Variants in RBBP7 observed in about 807,000 individuals in gnomAD.
The protein encoded by RBBP7 is histone-binding protein RBBP7.
A neutral mutation model predicts 35.2 loss-of-function variants in RBBP7; 5 were observed. That is an observed-to-expected ratio of 0.14 (90% CI 0.07 to 0.30). RBBP7 has a LOEUF of 0.30. RBBP7 is among the 10% of genes least tolerant of loss of function. The probability of loss-of-function intolerance (pLI) is 1.00; values close to 1 mark genes in which losing one functional copy is unlikely to be tolerated. For missense variants in RBBP7, 155 were observed against 327.5 expected, an observed-to-expected ratio of 0.47 and a Z score of 4.07; for synonymous variants, 140 against 118.7, an observed-to-expected ratio of 1.18 and a Z score of -1.17.
At chrX:16,850,124 G>T (rs1930178321) in intron 9 of RBBP7, among the ~76,000 whole-genome samples, 1 of 112,096 alleles carries the variant, frequency 8.9e-6, no homozygotes, top group Non-Finnish European at 1.9e-5. Flanking sequence ...CAAACCTGTG[G>T]GATTGCTAGA....
chrX:16,857,808 AC>A, intron 4 of RBBP7, 99 bp from the exon 5 acceptor site: 1 of 1,085,117 alleles, frequency 9.2e-7, no homozygotes, highest in East Asian at 3.3e-5. Flanking sequence ...CAGCAACTGC[AC>A]ACGAACGAGA....
intron 2 of RBBP7, among the ~76,000 whole-genome samples, 194 bp from the exon 3 acceptor site, chrX:16,863,294 C>T (rs1455158028): frequency 8.9e-6 from 1 of 111,980 alleles, no homozygotes; most frequent in African/African-American, 3.3e-5. Context: ...AATATTCTAG[C>T]TACAACATGC....
At position 16,852,092 on chromosome X, in the gene RBBP7, G is replaced by T. The variant is rs1292551641; in HGVS notation, c.994C>A (p.Leu332Met). 8.3e-7 allele frequency: 1 copy of T among 1,206,943 alleles called. No individual in the cohort carries two copies. The highest frequency in any genetic ancestry group is 1.1e-6 in the Non-Finnish European group (1 of 890,975). The part of the protein sequence containing the change: ...VHWSPHNETI[L>M]ASSGTDRRLN... The stretch of plus-strand genomic sequence containing the variant: ...CGGCGGTCAGTACCACTTGAAGCCA[G>T]AATAGTTTCATTATGTGGAGACCAG... The change falls in exon 9 of 12, where the codon CTG becomes ATG. Residue 332 changes from leucine (L) to methionine (M), a missense_variant. Around this residue, in one of 3 missense-constraint regions of RBBP7, gnomAD observed 79 missense variants for 220.8 expected, o/e 0.36. Coordinates refer to ENST00000380087, the MANE Select transcript of RBBP7 (RefSeq NM_002893.4).
At position 16,858,693 on chromosome X, in the gene RBBP7, T is replaced by A; in HGVS notation, c.464A>T (p.Lys155Ile). The change falls in exon 4 of 12, where the codon AAA (lysine) becomes ATA (isoleucine). Residue 155 changes from lysine (K) to isoleucine (I), a missense_variant. Physicochemically the swap from Lys to Ile is moderately radical, Grantham distance 102. Coordinates refer to ENST00000380087, the MANE Select transcript of RBBP7 (RefSeq NM_002893.4). Reference sequence around the variant, plus strand: ...TTACATACCTGGTTTAGCAGGGTGTTTTGTATAGTCAAAAACCAACACATC... The same window carrying A: ...TTACATACCTGGTTTAGCAGGGTGTATTGTATAGTCAAAAACCAACACATC... ...SSDVLVFDYT[K>I]HPAKPDPSGE... 8.3e-7 allele frequency: 1 copy of A among 1,211,374 alleles called. No homozygotes were observed. The highest frequency in any genetic ancestry group is 1.1e-6 in the Non-Finnish European group (1 of 895,279).
At chrX:16,857,474 TACC>T in intron 5 of RBBP7, 117 bp downstream of exon 5, 1 of 1,079,384 alleles carries the variant, frequency 9.3e-7, no homozygotes, top group Non-Finnish European at 1.2e-6. Flanking sequence ...GGGGGAATGT[TACC>T]ACAATAATCA....
At chrX:16,852,197 A>G (rs1930225595) in intron 8 of RBBP7, 75 bp from the exon 9 acceptor site, 10 of 892,522 alleles carry the variant, frequency 1.1e-5, no homozygotes, top group South Asian at 4.2e-5. Flanking sequence ...TTCTAATCTG[A>G]TATTTTCCCA....
Position 16,844,917 on chromosome X carries a change from A to G in RBBP7, c.*118T>C, listed in dbSNP as rs1345164293. 4 of 552,090 alleles carry G rather than the reference A, an allele frequency of 7.2e-6. No homozygotes were observed. The highest frequency in any genetic ancestry group is 1.2e-5 in the Non-Finnish European group (4 of 328,168). The allele number at this position is 552,090 out of a possible 1,213,427, so 45.5% of individuals were successfully genotyped here. ...CTTGAAAGTGCTAGAATCAGAGGAT[A>G]AAGAAGCCATAAGCCACCCCACTTA... On this transcript the variant is annotated 3_prime_UTR_variant, in exon 12 of 12. Transcript: ENST00000380087.
intron 5 of RBBP7, among the ~76,000 whole-genome samples, chrX:16,856,359 G>A (rs771322596): frequency 1.6e-4 from 18 of 111,055 alleles, no homozygotes; most frequent in Admixed American, 6.7e-4. Flanking sequence ...GTGAAACCCT[G>A]TCTCTACTAA....
chrX:16,863,225 T>G, intron 2 of RBBP7, 125 bp from the exon 3 acceptor site: 1 of 658,301 alleles, frequency 1.5e-6, no homozygotes, highest in African/African-American at 2.2e-5. Flanking sequence ...GCATCAACTG[T>G]GTATCTTCTC....
Position 16,869,149 on chromosome X carries a change from G to C in RBBP7, c.88C>G (p.Leu30Val). Residue 30 changes from leucine (L) to valine (V), a missense_variant, in exon 2 of 12, where the codon CTA becomes GTA. By Grantham distance (32) the Leu-to-Val change is conservative (BLOSUM62 1). Transcript: ENST00000380087. ...YKIWKKNTPF[L>V]YDLVMTHALQ... ...GCATGGGTCATAACCAGGTCATATA[G>C]AAACGGTGTATTCTTCTTCCAGATT... The C allele has an allele frequency of 8.3e-7, 1 of 1,210,010 alleles. No individual in the cohort carries two copies. Among genetic ancestry groups the C allele is most frequent in the Non-Finnish European group, 1.1e-6 (1 of 893,865 alleles).
intron 5 of RBBP7, among the ~76,000 whole-genome samples, chrX:16,856,139 G>A (rs1201648555): frequency 9.2e-6 from 1 of 108,938 alleles, no homozygotes; most frequent in Non-Finnish European, 1.9e-5. Context: ...TATGGACAAA[G>A]AATTTGAATA....
intron 4 of RBBP7, 45 bp downstream of exon 4, chrX:16,858,631 T>C (rs962765437): frequency 8.5e-6 from 10 of 1,183,287 alleles, no homozygotes; most frequent in Middle Eastern, 2.4e-4. Flanking sequence ...CCAGTTTGAA[T>C]CAAGAAAACT....
chrX:16,852,696 G>C, intron 7 of RBBP7, 53 bp downstream of exon 7: 7 of 1,210,525 alleles, frequency 5.8e-6, no homozygotes, highest in Non-Finnish European at 7.8e-6. Context: ...ATCTGATTAA[G>C]GCACAAGAGA....
At chrX:16,851,581 T>C (rs1252470756) in intron 9 of RBBP7, among the ~76,000 whole-genome samples, 2 of 111,730 alleles carry the variant, frequency 1.8e-5, no homozygotes, top group Non-Finnish European at 3.8e-5. Context: ...CCTTGTCCCC[T>C]TCACAAAGGT....
Position 16,859,254 on chromosome X carries a change from A to G in RBBP7, c.308-405T>C, listed in dbSNP as rs755556777. ...TTAGCATCTTATTTTAGGATTCATC[A>G]AAACAGGAAAGGTTTTAACCCTCCA... On this transcript the variant is annotated intron_variant, in intron 3 of 11. Transcript: ENST00000380087. Among the ~76,000 whole-genome samples the G allele has an allele frequency of 1.2e-4, 13 of 112,509 alleles. No individual in the cohort carries two copies. In the East Asian group the frequency reaches 3.6e-3, roughly 31 times the overall value.
rs1325130674 is a variant in RBBP7, at chrX:16,869,705, C to G, written c.16+333G>C. ...GACCCCGAGGCGGTCAACGCGCGCG[C>G]GCGCGTAGAAAGAGCCGCGGCGCTC... On this transcript the variant is annotated intron_variant, in intron 1 of 11. Transcript: ENST00000380087. 3 of 1,009,374 alleles carry G rather than the reference C, an allele frequency of 3.0e-6. No individual in the cohort carries two copies. In the African/African-American group the frequency reaches 6.1e-5, roughly 21 times the overall value. 83.2% of individuals were successfully genotyped at this position (1,009,374 alleles called of 1,213,427 possible).
At chrX:16,845,452 C>T (rs1424552710) in intron 11 of RBBP7, among the ~76,000 whole-genome samples, 1 of 112,159 alleles carries the variant, frequency 8.9e-6, no homozygotes, top group Non-Finnish European at 1.9e-5. Flanking sequence ...TAGTGCTCAT[C>T]CTCAGAGAAC....
intron 1 of RBBP7, 117 bp from the exon 2 acceptor site, chrX:16,869,337 G>A (rs1365586285): frequency 1.9e-6 from 2 of 1,063,570 alleles, no homozygotes; most frequent in Non-Finnish European, 2.5e-6. Context: ...CTCTAATTTG[G>A]ACACGGACAA....
chrX:16,869,933 C>T (rs1179033756), intron 1 of RBBP7, 105 bp downstream of exon 1: 6 of 753,162 alleles, frequency 8.0e-6, no homozygotes, highest in Non-Finnish European at 9.4e-6. Flanking sequence ...GGCCCCGCCC[C>T]CTGCTCCGCA....
Sources: allele counts gnomAD v4.1 joint callset (sites outside exome capture counted in the v4.1 genomes callset), GRCh38; gene constraint gnomAD v4.1.1; regional missense constraint gnomAD v4.1.1; transcripts MANE v1.5; gene names NCBI Gene and HGNC (gene_info 2026-07-23, HGNC 2026-07-21).